CDKN2C: variants seen among roughly 807,000 people sequenced by gnomAD.
CDKN2C encodes the protein cyclin-dependent kinase 4 inhibitor C.
CDKN2C carries 5 observed loss-of-function variants against 11.0 expected under a neutral mutation model. That is an observed-to-expected ratio of 0.45 (90% CI 0.24 to 0.95). The LOEUF is 0.95. CDKN2C is among the 40% of genes least tolerant of loss of function. CDKN2C has a pLI of 0.21. For synonymous variants in CDKN2C, 79 were observed against 88.3 expected, an observed-to-expected ratio of 0.89 and a Z score of 0.59; for missense variants, 161 against 211.9, an observed-to-expected ratio of 0.76 and a Z score of 1.49.
chr1:50,973,937 T>C lies in CDKN2C; in HGVS notation c.174T>C (p.Leu58=). ...CCGAGATTGCCAGGAGACTGCTACT[T>C]AGAGGTGCTAATCCCGATTTGAAAG... ...GNPEIARRLL[L]RGANPDLKDR... Residue 58 remains leucine (L), a synonymous_variant, in exon 2 of 2, where the codon CTT becomes CTC. Coordinates refer to ENST00000371761, the MANE Select transcript of CDKN2C (RefSeq NM_078626.3). The C allele has an allele frequency of 6.2e-7, 1 of 1,614,204 alleles. No homozygotes were observed. Among genetic ancestry groups the C allele is most frequent in the South Asian group, 1.1e-5 (1 of 91,088 alleles).
chr1:50,968,033 A>G (rs1224039477), upstream of CDKN2C: 2 of 152,260 alleles, frequency 1.3e-5, no homozygotes, highest in Non-Finnish European at 2.9e-5. Flanking sequence ...AGTCTACACA[A>G]GACTTGCTTT....
chr1:50,966,819 G>A (rs984834172), upstream of CDKN2C, among the ~76,000 whole-genome samples: 4 of 151,228 alleles, frequency 2.6e-5, no homozygotes, highest in Non-Finnish European at 4.4e-5. Context: ...AAAAAAATCA[G>A]AACTTTGTTG....
rs769341040 is a variant in CDKN2C at position 50,970,340 on chromosome 1, T to A, written c.-29T>A. On this transcript the variant is annotated 5_prime_UTR_variant, in exon 1 of 2. Coordinates refer to ENST00000371761, the MANE Select transcript of CDKN2C (RefSeq NM_078626.3). ...GGGAAAAAGAAAAACGACTAATTCA[T>A]CTTTTCCTGATCGTCAGGACCCTAA... 6.2e-7 allele frequency: 1 copy of A among 1,613,624 alleles called. No individual in the cohort carries two copies. Among genetic ancestry groups the A allele is most frequent in the East Asian group, 2.2e-5 (1 of 44,880 alleles).
At chr1:50,965,454 G>A (rs922493845), upstream of CDKN2C, among the ~76,000 whole-genome samples, 8 of 152,010 alleles carry the variant, frequency 5.3e-5, no homozygotes, top group South Asian at 2.1e-4. Context: ...CCGGGATCGC[G>A]CCACTGCACT....
intron 1 of CDKN2C, 123 bp from the exon 2 acceptor site, chr1:50,973,770 G>A: frequency 8.4e-7 from 1 of 1,196,036 alleles, no homozygotes; most frequent in South Asian, 1.2e-5. Context: ...CCATCCTATG[G>A]GTCTTCCGCA....
chr1:50,963,841 A>C (rs769624286), intron 1 of CDKN2C, among the ~76,000 whole-genome samples: 9 of 152,238 alleles, frequency 5.9e-5, no homozygotes, highest in Admixed American at 1.3e-4. Flanking sequence ...GCACGAGCAA[A>C]GAAAAGTAAT....
intron 1 of CDKN2C, among the ~76,000 whole-genome samples, chr1:50,962,155 C>T (rs2124774783): frequency 6.6e-6 from 1 of 152,316 alleles, no homozygotes; most frequent in African/African-American, 2.4e-5. Context: ...CCGAGGCAGG[C>T]AGATCACTTG....
chr1:50,962,508 A>C (rs1645329758), intron 1 of CDKN2C, among the ~76,000 whole-genome samples: 1 of 152,250 alleles, frequency 6.6e-6, no homozygotes. Flanking sequence ...CCATTCATAT[A>C]GGCCACCCTC....
At chr1:50,969,463 G>C (rs1009487658), upstream of CDKN2C, 4 of 152,124 alleles carry the variant, frequency 2.6e-5, no homozygotes, top group Non-Finnish European at 5.9e-5. The surrounding 1 kb of genome is among the most constrained non-coding windows in gnomAD (Gnocchi z 6.6). Context: ...GGACCTGGCG[G>C]GGCCGGCATG....
At chr1:50,964,124 T>C (rs1645336882) in intron 1 of CDKN2C, among the ~76,000 whole-genome samples, 1 of 152,204 alleles carries the variant, frequency 6.6e-6, no homozygotes, top group Non-Finnish European at 1.5e-5. Flanking sequence ...GGTACATCTA[T>C]CAAAACTAGG....
At chr1:50,970,112 A>G (rs1645371516), upstream of CDKN2C, 2 of 537,562 alleles carry the variant, frequency 3.7e-6, no homozygotes, top group Non-Finnish European at 6.7e-6. Context: ...AATTCTTCAT[A>G]GGGGTTAAGC....
Position 50,970,271 on chromosome 1 carries a change from A to C in CDKN2C, c.-98A>C. 1 of 1,451,110 alleles carries C rather than the reference A, an allele frequency of 6.9e-7. No homozygotes were observed. Among genetic ancestry groups the C allele is most frequent in the Non-Finnish European group, 9.5e-7 (1 of 1,050,394 alleles). 89.9% of individuals were successfully genotyped at this position (1,451,110 alleles called of 1,614,324 possible). A position where few individuals can be genotyped will look rare whatever the true frequency, so the allele number is the denominator to read the frequency against. On this transcript the variant is annotated 5_prime_UTR_variant, in exon 1 of 2. Coordinates refer to ENST00000371761, the MANE Select transcript of CDKN2C (RefSeq NM_078626.3). ...GATTAACCATCCCAGTCCTTCTGTC[A>C]GTCTCCGATGCCATCATGCAGCCTG...
chr1:50,971,694 A>G (rs1645381068), intron 1 of CDKN2C, among the ~76,000 whole-genome samples: 1 of 152,236 alleles, frequency 6.6e-6, no homozygotes, highest in Admixed American at 6.5e-5. Flanking sequence ...TCAAAAGATT[A>G]TATAAACTTC....
intron 1 of CDKN2C, among the ~76,000 whole-genome samples, chr1:50,970,888 C>T (rs1306169746): frequency 6.6e-6 from 1 of 152,168 alleles, no homozygotes; most frequent in Non-Finnish European, 1.5e-5. Flanking sequence ...GTTTTACGTA[C>T]TTTGCCCCCA....
upstream of CDKN2C, chr1:50,968,574 G>A (rs1645360176): frequency 6.6e-6 from 1 of 152,414 alleles, no homozygotes; most frequent in African/African-American, 2.4e-5. Flanking sequence ...GAGAGCGGGA[G>A]GCGGGAATGA....
intron 1 of CDKN2C, among the ~76,000 whole-genome samples, chr1:50,973,472 C>T (rs1645390763): frequency 6.6e-6 from 1 of 152,202 alleles, no homozygotes; most frequent in African/African-American, 2.4e-5. Context: ...ATTAATACCA[C>T]AGGCACATTT....
At chr1:50,971,643 A>C (rs1645380937) in intron 1 of CDKN2C, among the ~76,000 whole-genome samples, 1 of 152,184 alleles carries the variant, frequency 6.6e-6, no homozygotes, top group Non-Finnish European at 1.5e-5. Context: ...ATGATAGCAA[A>C]GTAACAAATT....
chr1:50,961,290 G>A (rs575558507), intron 1 of CDKN2C, among the ~76,000 whole-genome samples: 51 of 152,190 alleles, frequency 3.4e-4, no homozygotes, highest in Middle Eastern at 3.4e-3. Context: ...CGCCCTCCTC[G>A]GCCTCCCAAA....
rs1256842042 is a variant in CDKN2C, at chr1:50,973,801, T to TA, written c.130-91dup. 4.1e-6 allele frequency: 6 copies of TA among 1,464,916 alleles called. No individual in the cohort carries two copies. The African/African-American group carries it at 6.9e-5, about 17-fold the overall frequency. 90.7% of individuals were successfully genotyped at this position (1,464,916 alleles called of 1,614,324 possible). On this transcript the variant is annotated intron_variant, in intron 1 of 1. Transcript: ENST00000371761. ...CCGCAAGAACTCCATCAAAAATAAA[T>TA]AGTTACATAAATGGAAGGACAGGCA...
Sources: allele counts gnomAD v4.1 joint callset (sites outside exome capture counted in the v4.1 genomes callset), GRCh38; gene constraint gnomAD v4.1.1; non-coding constraint Gnocchi (gnomAD v3.1); transcripts MANE v1.5; gene names NCBI Gene and HGNC (gene_info 2026-07-23, HGNC 2026-07-21).